The following MAP6 variants were observed in gnomAD, a reference collection of about 807,000 sequenced individuals.
MAP6 encodes the protein microtubule associated protein 6.
In MAP6, 26 loss-of-function variants were observed where a neutral mutation model predicts 42.4. That is an observed-to-expected ratio of 0.61 (90% CI 0.45 to 0.85). The LOEUF (loss-of-function observed/expected upper bound fraction) is 0.85. MAP6 is among the 40% of genes least tolerant of loss of function. MAP6 has a pLI of 0.00. For missense variants in MAP6, 966 were observed against 1,099.0 expected, an observed-to-expected ratio of 0.88 and a Z score of 1.71; for synonymous variants, 418 against 443.8, an observed-to-expected ratio of 0.94 and a Z score of 0.73.
chr11:75,606,445 T>C (rs1198864122), intron 2 of MAP6, among the ~76,000 whole-genome samples: 4 of 152,152 alleles, frequency 2.6e-5, no homozygotes, highest in African/African-American at 9.7e-5. Flanking sequence ...TGCCCAGTGC[T>C]CTCTTTTCCT....
chr11:75,615,655 G>C (rs1451009021), intron 1 of MAP6, among the ~76,000 whole-genome samples: 1 of 152,202 alleles, frequency 6.6e-6, no homozygotes, highest in Non-Finnish European at 1.5e-5. Context: ...CTGGTGCCCA[G>C]AGTGGGCAAA....
Position 75,587,153 on chromosome 11 carries a change from C to T in MAP6, c.2348G>A (p.Gly783Asp), listed in dbSNP as rs528199616. ...AGTAGGTAGCTGAGGGTCCCTGGGA[C>T]CTTGAGTCTTCAGAGGTTCAGGGAC... ...PAVPEPLKTQ[G>D]PRDPQLPTVS... is the part of the protein sequence containing the mutation. Residue 783 changes from glycine (G) to aspartate (D), a missense_variant, in exon 4 of 4, where the codon GGT (glycine) becomes GAT (aspartate). Gly to Asp is a moderately conservative substitution (Grantham distance 94). This residue lies in a region of MAP6 where 943 missense variants were observed against 1,049.9 expected (regional missense o/e 0.90). Coordinates refer to ENST00000304771, the MANE Select transcript of MAP6 (RefSeq NM_033063.2). The T allele has an allele frequency of 3.1e-6, 5 of 1,613,990 alleles. No homozygotes were observed. The highest frequency in any genetic ancestry group is 1.6e-4 in the Middle Eastern group (1 of 6,062).
At chr11:75,646,734 A>T (rs1290884146) in intron 1 of MAP6, among the ~76,000 whole-genome samples, 1 of 152,028 alleles carries the variant, frequency 6.6e-6, no homozygotes, top group Non-Finnish European at 1.5e-5. Context: ...CAGGAAGTGG[A>T]GGTTGAGGTG....
chr11:75,633,206 G>T (rs1306088591), intron 1 of MAP6, among the ~76,000 whole-genome samples: 3 of 151,998 alleles, frequency 2.0e-5, no homozygotes, highest in African/African-American at 7.3e-5. Flanking sequence ...AATTGCTTGG[G>T]TTTGCTCATA....
At chr11:75,650,381 T>C (rs1175309760) in intron 1 of MAP6, among the ~76,000 whole-genome samples, 1 of 152,218 alleles carries the variant, frequency 6.6e-6, no homozygotes, top group Non-Finnish European at 1.5e-5. Context: ...TCCCATTAAA[T>C]GCTCTGTTAG....
chr11:75,667,510 C>G lies in MAP6; in HGVS notation c.860G>C (p.Arg287Pro), dbSNP rs951334001. The G allele has an allele frequency of 1.3e-6, 2 of 1,506,542 alleles. No homozygotes were observed. Among genetic ancestry groups the G allele is most frequent in the South Asian group, 2.5e-5 (2 of 81,440 alleles). The allele number at this position is 1,506,542 out of a possible 1,614,324, so 93.3% of individuals were successfully genotyped here. The change falls in exon 1 of 4, where the codon CGG (arginine) becomes CCG (proline). Residue 287 changes from arginine (R) to proline (P), a missense_variant. By Grantham distance (103) the Arg-to-Pro change is moderately radical (BLOSUM62 -2). This residue lies in a region of MAP6 where 943 missense variants were observed against 1,049.9 expected (regional missense o/e 0.90). Coordinates refer to ENST00000304771, the MANE Select transcript of MAP6 (RefSeq NM_033063.2). This position sits in a 1 kb window ranked among gnomAD's most constrained non-coding sequence, Gnocchi z 5.6. The part of the protein sequence containing the change: ...RGRAAADALN[R>P]QIREEVASAV... Reference sequence around the variant, plus strand: ...ACTCGCCACCTCCTCGCGGATTTGCCGGTTGAGGGCGTCCGCCGCGGCGCG... The same window carrying G: ...ACTCGCCACCTCCTCGCGGATTTGCGGGTTGAGGGCGTCCGCCGCGGCGCG...
chr11:75,608,052 G>T, intron 2 of MAP6, 57 bp downstream of exon 2: 1 of 1,537,600 alleles, frequency 6.5e-7, no homozygotes, highest in Non-Finnish European at 9.0e-7. Flanking sequence ...ATGCTCTGCT[G>T]CAGTTAACCC....
At chr11:75,615,717 T>C (rs1304630254) in intron 1 of MAP6, among the ~76,000 whole-genome samples, 1 of 152,230 alleles carries the variant, frequency 6.6e-6, no homozygotes, top group African/African-American at 2.4e-5. Flanking sequence ...CATTTCAAGT[T>C]AGACTTGGAC....
chr11:75,664,933 T>C (rs1249910954), intron 1 of MAP6, among the ~76,000 whole-genome samples: 1 of 152,212 alleles, frequency 6.6e-6, no homozygotes, highest in Admixed American at 6.5e-5. Flanking sequence ...TGTCATGCAC[T>C]TAAATTGTTC....
chr11:75,604,676 G>A (rs1942725366), intron 3 of MAP6: 1 of 985,268 alleles, frequency 1.0e-6, no homozygotes, highest in African/African-American at 1.7e-5. Context: ...TGCCACCCTT[G>A]GGGGCTTTGG....
chr11:75,667,570 T>G lies in MAP6; in HGVS notation c.800A>C (p.Gln267Pro), dbSNP rs1358398155. 5 of 1,427,544 alleles carry G rather than the reference T, an allele frequency of 3.5e-6. No homozygotes were observed. The highest frequency in any genetic ancestry group is 2.7e-6 in the Non-Finnish European group (3 of 1,100,974). The allele number at this position is 1,427,544 out of a possible 1,614,324, so 88.4% of individuals were successfully genotyped here. A position where few individuals can be genotyped will look rare whatever the true frequency, so the allele number is the denominator to read the frequency against. Reference sequence around the variant, plus strand: ...AGCCTCGGGGCCGGTGGCCTGGACCTGGGCCTGGGCCGCGGGCAGCGGCGT... The same window carrying G: ...AGCCTCGGGGCCGGTGGCCTGGACCGGGGCCTGGGCCGCGGGCAGCGGCGT... ...EQTPLPAAQA[Q>P]VQATGPEAGR... The change falls in exon 1 of 4, where the codon CAG becomes CCG. Residue 267 changes from glutamine to proline, a missense_variant. Physicochemically the swap from Gln to Pro is moderately conservative, Grantham distance 76 (BLOSUM62 -1). This residue lies in a region of MAP6 where 943 missense variants were observed against 1,049.9 expected (regional missense o/e 0.90). Coordinates refer to ENST00000304771, the MANE Select transcript of MAP6 (RefSeq NM_033063.2). The surrounding 1 kb of genome is among the most constrained non-coding windows in gnomAD (Gnocchi z 5.6).
intron 3 of MAP6, among the ~76,000 whole-genome samples, chr11:75,588,444 C>T (rs1942408071): frequency 6.6e-6 from 1 of 152,150 alleles, no homozygotes; most frequent in Non-Finnish European, 1.5e-5. Flanking sequence ...CAGGGGGTGG[C>T]ACGCTGGTGA....
At chr11:75,650,330 A>G (rs1315369353) in intron 1 of MAP6, among the ~76,000 whole-genome samples, 1 of 152,250 alleles carries the variant, frequency 6.6e-6, no homozygotes, top group Non-Finnish European at 1.5e-5. Flanking sequence ...CCACTTCCTC[A>G]GATGACAGAT....
intron 1 of MAP6, among the ~76,000 whole-genome samples, chr11:75,634,522 G>C (rs935087514): frequency 2.6e-5 from 4 of 152,148 alleles, no homozygotes; most frequent in African/African-American, 9.7e-5. Flanking sequence ...ACCCACCTCA[G>C]CCTCCCAAAG....
chr11:75,615,968 G>C (rs1430557486), intron 1 of MAP6, among the ~76,000 whole-genome samples: 1 of 137,256 alleles, frequency 7.3e-6, no homozygotes, highest in East Asian at 2.6e-4. Context: ...GGCAGGGGGC[G>C]GGGGGTGGGG....
chr11:75,604,696 C>G, intron 3 of MAP6: 1 of 985,386 alleles, frequency 1.0e-6, no homozygotes, highest in Non-Finnish European at 1.2e-6. Context: ...GCCACACACA[C>G]ACACGACACG....
intron 1 of MAP6, among the ~76,000 whole-genome samples, chr11:75,649,688 G>A (rs544576851): frequency 1.2e-4 from 18 of 151,924 alleles, no homozygotes; most frequent in African/African-American, 3.9e-4. Flanking sequence ...ACAGTCACGC[G>A]CACCACCACA....
intron 1 of MAP6, among the ~76,000 whole-genome samples, chr11:75,655,141 C>T (rs1943723495): frequency 6.6e-6 from 1 of 152,194 alleles, no homozygotes; most frequent in Admixed American, 6.5e-5. Flanking sequence ...AGCCTATAGT[C>T]CCAGCCTTGG....
chr11:75,605,374 G>A (rs759742849), intron 3 of MAP6: 3 of 987,736 alleles, frequency 3.0e-6, no homozygotes, highest in Non-Finnish European at 3.6e-6. Flanking sequence ...GGCACATGAC[G>A]ATTCTCTGAA....
Sources: allele counts gnomAD v4.1 joint callset (sites outside exome capture counted in the v4.1 genomes callset), GRCh38; gene constraint gnomAD v4.1.1; regional missense constraint gnomAD v4.1.1; non-coding constraint Gnocchi (gnomAD v3.1); transcripts MANE v1.5; gene names NCBI Gene and HGNC (gene_info 2026-07-23, HGNC 2026-07-21).